ZNF646: variants seen among roughly 807,000 people sequenced by gnomAD.
The protein encoded by ZNF646 is zinc finger protein 646.
In ZNF646, 49 loss-of-function variants were observed where a neutral mutation model predicts 115.4. That is an observed-to-expected ratio of 0.42 (90% CI 0.34 to 0.54). ZNF646 has a LOEUF of 0.54. Ranked by LOEUF, ZNF646 falls within the 20% of genes least tolerant of loss-of-function variation. The pLI, the probability that ZNF646 is intolerant of heterozygous loss-of-function variation, is 0.04. For missense variants in ZNF646, 2,269 were observed against 2,457.9 expected (o/e 0.92, Z 1.62); for synonymous variants, 933 against 939.0 (o/e 0.99, Z 0.12).
rs1429944094 is a variant in ZNF646, at chr16:31,079,790, C to G, written c.3466C>G (p.Leu1156Val). The G allele has an allele frequency of 3.7e-6, 6 of 1,613,494 alleles. No homozygotes were observed. Among genetic ancestry groups the G allele is most frequent in the East Asian group, 4.5e-5 (2 of 44,858 alleles). The stretch of plus-strand genomic sequence containing the variant: ...AGAAGTCGAGAAGCTCCAGGAAGAA[C>G]TTAAAGTGGAGCCCCTGGAGGAAGT... ...QAEVEKLQEE[L>V]KVEPLEEVAR... The change falls in exon 2 of 3, where the codon CTT (leucine) becomes GTT (valine). Residue 1156 changes from leucine to valine, a missense_variant. Coordinates refer to ENST00000300850, the MANE Select transcript of ZNF646 (RefSeq NM_014699.4). The surrounding 1 kb of genome is among the most constrained non-coding windows in gnomAD (Gnocchi z 5.5).
chr16:31,076,048 G>A (rs1017818557), intron 1 of ZNF646, 198 bp from the exon 2 acceptor site: 27 of 416,292 alleles, frequency 6.5e-5, no homozygotes, highest in Non-Finnish European at 8.5e-5. Flanking sequence ...AAGCCTAGGG[G>A]AGCTCCTATA....
At chr16:31,073,204 G>A (rs2057030517), upstream of ZNF646, 1 of 152,440 alleles carries the variant, frequency 6.6e-6, no homozygotes, top group African/African-American at 2.4e-5. Context: ...CTGAACGAAG[G>A]ATGAGGAGAT....
rs2057151541 is a variant in ZNF646 at position 31,081,047 on chromosome 16, C to T, written c.4723C>T (p.His1575Tyr). 1 of 1,613,980 alleles carries T rather than the reference C, an allele frequency of 6.2e-7. No homozygotes were observed. Among genetic ancestry groups the T allele is most frequent in the South Asian group, 1.1e-5 (1 of 91,088 alleles). The change falls in exon 2 of 3, where the codon CAC (histidine) becomes TAC (tyrosine). Residue 1575 changes from histidine (H) to tyrosine (Y), a missense_variant. Coordinates refer to ENST00000300850, the MANE Select transcript of ZNF646 (RefSeq NM_014699.4). Reference sequence around the variant, plus strand: ...CTTAAATCCTGTGGCCACAAAGAGCCACAGCCACAACCACATAGACGCCCA... The same window carrying T: ...CTTAAATCCTGTGGCCACAAAGAGCTACAGCCACAACCACATAGACGCCCA... ...EFLNPVATKS[H>Y]SHNHIDAQTF...
In ZNF646 at chr16:31,080,077, C is replaced by T; in HGVS notation, c.3753C>T (p.Ile1251=). 1 of 1,613,142 alleles carries T rather than the reference C, an allele frequency of 6.2e-7. No homozygotes were observed. The highest frequency in any genetic ancestry group is 8.5e-7 in the Non-Finnish European group (1 of 1,179,782). Residue 1251 remains isoleucine (I), a synonymous_variant, in exon 2 of 3, where the codon ATC becomes ATT. Coordinates refer to ENST00000300850, the MANE Select transcript of ZNF646 (RefSeq NM_014699.4). ...TGTCCCTCAAGAACCACCGGCGCATCCATGCAGATCCCCGACGTTTCCGCT... is the reference window on the plus strand; with the variant it reads ...TGTCCCTCAAGAACCACCGGCGCATTCATGCAGATCCCCGACGTTTCCGCT... ...NLMSLKNHRR[I]HADPRRFRCS...
chr16:31,078,399 C>T lies in ZNF646; in HGVS notation c.2075C>T (p.Ala692Val), dbSNP rs371062492. Residue 692 changes from alanine (A) to valine (V), a missense_variant, in exon 2 of 3, where the codon GCG becomes GTG. Transcript: ENST00000300850. The stretch of plus-strand genomic sequence containing the variant: ...GGGAGAGAAGCCAAACTCCTGGCAG[C>T]GGAGAGCTGGACCCGGGAGCTAGAA... Reference protein sequence around the residue: ...SGGREAKLLAAESWTRELEDN... With the variant: ...SGGREAKLLAVESWTRELEDN... The T allele has an allele frequency of 2.2e-5, 36 of 1,610,994 alleles. No individual in the cohort carries two copies. Among genetic ancestry groups the T allele is most frequent in the Admixed American group, 2.2e-4 (13 of 59,800 alleles).
In ZNF646 at chr16:31,079,955, T is replaced by A; in HGVS notation, c.3631T>A (p.Ser1211Thr). The change falls in exon 2 of 3, where the codon TCC (serine) becomes ACC (threonine). Residue 1211 changes from serine (S) to threonine (T), a missense_variant. Around this residue, in one of 5 missense-constraint regions of ZNF646, gnomAD observed 1,062 missense variants for 1,172.8 expected, o/e 0.91. Coordinates refer to ENST00000300850, the MANE Select transcript of ZNF646 (RefSeq NM_014699.4). This position sits in a 1 kb window ranked among gnomAD's most constrained non-coding sequence, Gnocchi z 5.5. Reference protein sequence around the residue: ...RPFSCEVCGRSYKHAGSLINH... With the variant: ...RPFSCEVCGRTYKHAGSLINH... ...CTTCAGCTGCGAGGTGTGTGGCCGA[T>A]CCTACAAGCACGCCGGCAGCCTCAT... 6.2e-7 allele frequency: 1 copy of A among 1,610,632 alleles called. No homozygotes were observed. Among genetic ancestry groups the A allele is most frequent in the Non-Finnish European group, 8.5e-7 (1 of 1,177,894 alleles).
Position 31,078,145 on chromosome 16 carries a change from A to G in ZNF646, c.1821A>G (p.Thr607=). The G allele has an allele frequency of 1.9e-6, 3 of 1,614,128 alleles. No individual in the cohort carries two copies. Among genetic ancestry groups the G allele is most frequent in the Non-Finnish European group, 2.5e-6 (3 of 1,180,042 alleles). Residue 607 remains threonine (T), a synonymous_variant, in exon 2 of 3, where the codon ACA becomes ACG. Transcript: ENST00000300850. ...CAGGGGAAAAGGAAAATAGCAGAAC[A>G]GAGACCACAATGTCACCTCCTAGGG... ...HGAGEKENSR[T]ETTMSPPRAF... is the part of the protein sequence containing the mutation.
In ZNF646 at chr16:31,077,495, A is replaced by G; in HGVS notation, c.1171A>G (p.Asn391Asp). The G allele has an allele frequency of 1.2e-6, 2 of 1,613,466 alleles. No individual in the cohort carries two copies. Among genetic ancestry groups the G allele is most frequent in the Non-Finnish European group, 1.7e-6 (2 of 1,179,940 alleles). Reference protein sequence around the residue: ...RTYRHAGSLINHRKSHQTGVY... With the variant: ...RTYRHAGSLIDHRKSHQTGVY... ...TTACCGCCATGCTGGGAGCCTCATC[A>G]ACCATCGAAAGAGCCACCAGACAGG... is the stretch of plus-strand genomic sequence containing the variant. Residue 391 changes from asparagine (N) to aspartate (D), a missense_variant, in exon 2 of 3, where the codon AAC becomes GAC. Around this residue, in one of 5 missense-constraint regions of ZNF646, gnomAD observed 852 missense variants for 900.2 expected, o/e 0.95. Transcript: ENST00000300850.
Position 31,077,110 on chromosome 16 carries a change from G to A in ZNF646, c.786G>A (p.Thr262=), listed in dbSNP as rs144446599. ...GSLTNHRQSH[T]LGIYPCAICF... ...TCACCAACCACCGCCAGAGCCACAC[G>A]CTGGGCATCTACCCCTGTGCCATCT... is the stretch of plus-strand genomic sequence containing the variant. The change falls in exon 2 of 3, where the codon ACG becomes ACA. Residue 262 remains threonine, a synonymous_variant. Coordinates refer to ENST00000300850, the MANE Select transcript of ZNF646 (RefSeq NM_014699.4). 5.6e-6 allele frequency: 9 copies of A among 1,614,170 alleles called. No homozygotes were observed. Among genetic ancestry groups the A allele is most frequent in the East Asian group, 4.5e-5 (2 of 44,882 alleles).
intron 1 of ZNF646, chr16:31,076,008 T>C (rs3751853): frequency 0.01 from 3,051 of 291,690 alleles, 125 homozygotes; most frequent in East Asian, 0.097. Flanking sequence ...TCAACTTTAA[T>C]TTCCTTAGCT....
At position 31,079,607 on chromosome 16, in the gene ZNF646, C is replaced by A; in HGVS notation, c.3283C>A (p.Arg1095Ser). ...CTGCTACCCCAACCTGGCTGCCTAC[C>A]GTAATCATCTGCGGAACCACCCTCG... is the stretch of plus-strand genomic sequence containing the variant. ...SRCYPNLAAYRNHLRNHPRCK... is the reference protein window; with the variant it reads ...SRCYPNLAAYSNHLRNHPRCK... The change falls in exon 2 of 3, where the codon CGT (arginine) becomes AGT (serine). Residue 1095 changes from arginine to serine, a missense_variant. Physicochemically the swap from Arg to Ser is moderately radical, Grantham distance 110. Coordinates refer to ENST00000300850, the MANE Select transcript of ZNF646 (RefSeq NM_014699.4). This position sits in a 1 kb window ranked among gnomAD's most constrained non-coding sequence, Gnocchi z 5.5. 6.2e-7 allele frequency: 1 copy of A among 1,613,380 alleles called. No homozygotes were observed. Among genetic ancestry groups the A allele is most frequent in the Non-Finnish European group, 8.5e-7 (1 of 1,180,026 alleles).
At position 31,077,365 on chromosome 16, in the gene ZNF646, T is replaced by G. The variant is rs2057091441; in HGVS notation, c.1041T>G (p.Ser347Arg). ...AGAGCAGCCAGGACCAGCTCCCCAGTGCACAGATGCTGAATGGCTCTGCGG... is the reference window on the plus strand; with the variant it reads ...AGAGCAGCCAGGACCAGCTCCCCAGGGCACAGATGCTGAATGGCTCTGCGG... ...TDESSQDQLP[S>R]AQMLNGSAEL... Residue 347 changes from serine to arginine, a missense_variant, in exon 2 of 3, where the codon AGT becomes AGG. Ser to Arg is a moderately radical substitution (Grantham distance 110, BLOSUM62 -1). This residue lies in a region of ZNF646 where 852 missense variants were observed against 900.2 expected (regional missense o/e 0.95). Transcript: ENST00000300850. 1.2e-6 allele frequency: 2 copies of G among 1,613,052 alleles called. No individual in the cohort carries two copies. Among genetic ancestry groups the G allele is most frequent in the Non-Finnish European group, 1.7e-6 (2 of 1,179,718 alleles).
chr16:31,078,276 A>G lies in ZNF646; in HGVS notation c.1952A>G (p.Lys651Arg). ...TGDFSCGACA[K>R]HFHTMAAMKN... is the part of the protein sequence containing the mutation. Reference sequence around the variant, plus strand: ...GACTTCAGTTGTGGGGCCTGTGCCAAGCACTTCCACACCATGGCTGCCATG... The same window carrying G: ...GACTTCAGTTGTGGGGCCTGTGCCAGGCACTTCCACACCATGGCTGCCATG... The change falls in exon 2 of 3, where the codon AAG becomes AGG. Residue 651 changes from lysine (K) to arginine (R), a missense_variant. Lys to Arg is a conservative substitution (Grantham distance 26). Coordinates refer to ENST00000300850, the MANE Select transcript of ZNF646 (RefSeq NM_014699.4). The G allele has an allele frequency of 6.2e-7, 1 of 1,613,764 alleles. No homozygotes were observed. Among genetic ancestry groups the G allele is most frequent in the Non-Finnish European group, 8.5e-7 (1 of 1,179,952 alleles).
chr16:31,080,460 T>C lies in ZNF646; in HGVS notation c.4136T>C (p.Leu1379Ser). 1.2e-6 allele frequency: 2 copies of C among 1,613,384 alleles called. No individual in the cohort carries two copies. Among genetic ancestry groups the C allele is most frequent in the Non-Finnish European group, 1.7e-6 (2 of 1,179,956 alleles). Reference protein sequence around the residue: ...CGRSFPGRGSLERHLREHEET... With the variant: ...CGRSFPGRGSSERHLREHEET... ...CGCAGCTTCCCTGGCCGGGGATCTT[T>C]GGAGCGGCACCTGCGGGAGCATGAG... Residue 1379 changes from leucine (L) to serine (S), a missense_variant, in exon 2 of 3, where the codon TTG (leucine) becomes TCG (serine). Physicochemically the swap from Leu to Ser is moderately radical, Grantham distance 145 (BLOSUM62 -2). Transcript: ENST00000300850.
At position 31,084,127 on chromosome 16, in the gene ZNF646, G is replaced by C; in HGVS notation, c.*1035G>C. 1 of 1,577,230 alleles carries C rather than the reference G, an allele frequency of 6.3e-7. No individual in the cohort carries two copies. Among genetic ancestry groups the C allele is most frequent in the African/African-American group, 1.3e-5 (1 of 74,286 alleles). Reference sequence around the variant, plus strand: ...GCCCCGGGGCCACATACTTATGTTGGCCAGGCAGCTTCCAGGCTCAGCCTC... The same window carrying C: ...GCCCCGGGGCCACATACTTATGTTGCCCAGGCAGCTTCCAGGCTCAGCCTC... On this transcript the variant is annotated 3_prime_UTR_variant, in exon 3 of 3. Coordinates refer to ENST00000300850, the MANE Select transcript of ZNF646 (RefSeq NM_014699.4).
At position 31,083,776 on chromosome 16, in the gene ZNF646, G is replaced by A. The variant is rs1210104857; in HGVS notation, c.*684G>A. The A allele has an allele frequency of 6.2e-7, 1 of 1,614,040 alleles. No homozygotes were observed. ...GCCTGCATTCTCTTGTCCTGAGAAT[G>A]GCCAGGTCCCCTGTCAGCAGCTGGT... is the stretch of plus-strand genomic sequence containing the variant. On this transcript the variant is annotated 3_prime_UTR_variant, in exon 3 of 3. Transcript: ENST00000300850.
At position 31,076,903 on chromosome 16, in the gene ZNF646, T is replaced by C. The variant is rs769975805; in HGVS notation, c.579T>C (p.Ser193=). 2 of 1,613,984 alleles carry C rather than the reference T, an allele frequency of 1.2e-6. No individual in the cohort carries two copies. The highest frequency in any genetic ancestry group is 2.2e-5 in the East Asian group (1 of 44,896). Residue 193 remains serine, a synonymous_variant, in exon 2 of 3, where the codon TCT becomes TCC. Transcript: ENST00000300850. ...GADGWGPSTN[S]ARAPPLPIPA... is the part of the protein sequence containing the mutation. ...ACGGCTGGGGACCCTCCACTAACTCTGCCAGAGCCCCTCCTCTCCCCATCC... is the reference window on the plus strand; with the variant it reads ...ACGGCTGGGGACCCTCCACTAACTCCGCCAGAGCCCCTCCTCTCCCCATCC...
rs2057124952 is a variant in ZNF646 at position 31,079,443 on chromosome 16, G to A, written c.3119G>A (p.Gly1040Asp). Residue 1040 changes from glycine to aspartate, a missense_variant, in exon 2 of 3, where the codon GGT (glycine) becomes GAT (aspartate). Transcript: ENST00000300850. This position sits in a 1 kb window ranked among gnomAD's most constrained non-coding sequence, Gnocchi z 5.5. ...TPLGDSLCIQ[G>D]GESLLEAQPR... Reference sequence around the variant, plus strand: ...TTGGGAGACAGCCTCTGCATCCAGGGTGGGGAAAGTTTGTTGGAGGCTCAG... The same window carrying A: ...TTGGGAGACAGCCTCTGCATCCAGGATGGGGAAAGTTTGTTGGAGGCTCAG... 3 of 1,613,832 alleles carry A rather than the reference G, an allele frequency of 1.9e-6. No homozygotes were observed. The highest frequency in any genetic ancestry group is 2.5e-6 in the Non-Finnish European group (3 of 1,179,962).
In ZNF646 at chr16:31,078,718, C is replaced by G; in HGVS notation, c.2394C>G (p.Ala798=). 3 of 1,614,038 alleles carry G rather than the reference C, an allele frequency of 1.9e-6. No individual in the cohort carries two copies. Among genetic ancestry groups the G allele is most frequent in the Non-Finnish European group, 2.5e-6 (3 of 1,180,016 alleles). ...GGGTGGATGAAGACCAGAAGCCAGC[C>G]ACTGGCCAACCCAACTCCTCTTCCC... ...LTGVDEDQKP[A]TGQPNSSSHS... is the part of the protein sequence containing the mutation. The change falls in exon 2 of 3, where the codon GCC becomes GCG. Residue 798 remains alanine (A), a synonymous_variant. Coordinates refer to ENST00000300850, the MANE Select transcript of ZNF646 (RefSeq NM_014699.4).
Sources: allele counts gnomAD v4.1 joint callset, GRCh38; gene constraint gnomAD v4.1.1; regional missense constraint gnomAD v4.1.1; non-coding constraint Gnocchi (gnomAD v3.1); transcripts MANE v1.5; gene names NCBI Gene and HGNC (gene_info 2026-07-23, HGNC 2026-07-21).